The following DGCR6L variants were observed in gnomAD, a reference collection of about 807,000 sequenced individuals.
DGCR6L encodes the protein DiGeorge syndrome critical region gene 6 like.
Under a neutral mutation model 31.1 loss-of-function variants are expected in DGCR6L, and 24 were observed. The observed-to-expected ratio is 0.77, with a 90% CI of 0.56 to 1.08. DGCR6L has a LOEUF of 1.08. Among genes scored for constraint, DGCR6L ranks in the 50% least tolerant of loss-of-function variants. The pLI, the probability that DGCR6L is intolerant of heterozygous loss-of-function variation, is 0.00. For missense variants in DGCR6L, 218 were observed against 287.1 expected (o/e 0.76, Z 1.74); for synonymous variants, 104 against 126.1 (o/e 0.82, Z 1.17).
rs771055159 is a variant in DGCR6L at position 20,316,094 on chromosome 22, G to A, written c.372+25C>T. The A allele has an allele frequency of 1.1e-5, 17 of 1,583,472 alleles. No homozygotes were observed. The East Asian group carries it at 3.9e-4, about 36-fold the overall frequency. On this transcript the variant is annotated intron_variant, in intron 3 of 4. Transcript: ENST00000248879. ...TGGTGCCCACAGGAGAGCTGGGCCG[G>A]CCACCCTGCCTGCGCCCCCAGTACC...
At chr22:20,318,295 T>TA (rs2146018669) in intron 2 of DGCR6L, 1 of 152,486 alleles carries the variant, frequency 6.6e-6, no homozygotes, top group East Asian at 1.9e-4. Context: ...CTTGCACTGC[T>TA]AGGAGAAATT....
At chr22:20,318,648 AG>A (rs940589794) in intron 2 of DGCR6L, 1 of 152,204 alleles carries the variant, frequency 6.6e-6, no homozygotes, top group Admixed American at 6.5e-5. Context: ...TTAATTTCTC[AG>A]GGGGCTACCT....
intron 2 of DGCR6L, among the ~76,000 whole-genome samples, chr22:20,317,806 T>C (rs568660701): frequency 1.3e-5 from 2 of 152,374 alleles, no homozygotes; most frequent in African/African-American, 4.8e-5. Flanking sequence ...TAAGGAATAA[T>C]GAGCCATGCG....
intron 2 of DGCR6L, 54 bp downstream of exon 2, chr22:20,319,584 GC>G (rs2051592941): frequency 6.3e-7 from 1 of 1,590,844 alleles, no homozygotes; most frequent in African/African-American, 1.3e-5. Context: ...ACCAAGAGCT[GC>G]CCGGAGGCGC....
In DGCR6L at chr22:20,314,678, T is replaced by C. The variant is rs1195314027; in HGVS notation, c.660A>G (p.Pro220=). 1 of 1,594,394 alleles carries C rather than the reference T, an allele frequency of 6.3e-7. No homozygotes were observed. Among genetic ancestry groups the C allele is most frequent in the Non-Finnish European group, 8.6e-7 (1 of 1,167,848 alleles). ...CCCAGACTTCTGCTGCCTGTGGCTA[T>C]GGTGGGACAGGGCTGCCTTTCTGGT... ...QCDQKGSPVP[P] is the part of the protein sequence containing the mutation. Residue 220 remains proline (P), a synonymous_variant, in exon 5 of 5, where the codon CCA becomes CCG. Transcript: ENST00000248879.
intron 2 of DGCR6L, among the ~76,000 whole-genome samples, chr22:20,317,842 C>G (rs765348498): frequency 6.6e-6 from 1 of 152,322 alleles, no homozygotes; most frequent in African/African-American, 2.4e-5. Flanking sequence ...CTACATACAT[C>G]TTACAGCTCA....
chr22:20,319,543 A>G (rs2051592537), intron 2 of DGCR6L, 96 bp downstream of exon 2: 2 of 1,500,672 alleles, frequency 1.3e-6, no homozygotes, highest in Non-Finnish European at 1.8e-6. Context: ...TCTTCCGAAC[A>G]CTTCCAAGGA....
At position 20,314,644 on chromosome 22, in the gene DGCR6L, T is replaced by C. The variant is rs1162627051; in HGVS notation, c.*31A>G. 1 of 1,554,032 alleles carries C rather than the reference T, an allele frequency of 6.4e-7. No individual in the cohort carries two copies. The highest frequency in any genetic ancestry group is 1.2e-5 in the South Asian group (1 of 84,384). ...AGGCAGTGGCCAAAGGTCAAGAAGA[T>C]GAACTCTGCCCAGACTTCTGCTGCC... On this transcript the variant is annotated 3_prime_UTR_variant, in exon 5 of 5. Transcript: ENST00000248879.
In DGCR6L at chr22:20,315,428, T is replaced by C. The variant is rs762339267; in HGVS notation, c.421A>G (p.Ile141Val). The change falls in exon 4 of 5, where the codon ATC (isoleucine) becomes GTC (valine). Residue 141 changes from isoleucine (I) to valine (V), a missense_variant. This residue lies in a region of DGCR6L where 58 missense variants were observed against 105.4 expected (regional missense o/e 0.55). Coordinates refer to ENST00000248879, the MANE Select transcript of DGCR6L (RefSeq NM_033257.4). The stretch of plus-strand genomic sequence containing the variant: ...ACCTTCCGGTCCAGCTCCAGGATGA[T>C]CTTCTGGTCCATCGCCCGCTGCTCC... ...REEQRAMDQK[I>V]ILELDRKVAD... 1.3e-5 allele frequency: 21 copies of C among 1,613,792 alleles called. No homozygotes were observed. The highest frequency in any genetic ancestry group is 2.5e-6 in the Non-Finnish European group (3 of 1,180,000).
At chr22:20,318,605 C>T (rs2051586068) in intron 2 of DGCR6L, 1 of 152,128 alleles carries the variant, frequency 6.6e-6, no homozygotes, top group South Asian at 2.1e-4. Context: ...ATGATGTGGC[C>T]GTGCACTGAA....
intron 3 of DGCR6L, among the ~76,000 whole-genome samples, chr22:20,315,840 C>T (rs1222059932): frequency 1.3e-5 from 2 of 152,186 alleles, no homozygotes; most frequent in Non-Finnish European, 2.9e-5. Flanking sequence ...TGCCTTTGTA[C>T]CCCCCTGAGG....
rs1043756240 is a variant in DGCR6L at position 20,316,127 on chromosome 22, C to G, written c.364G>C (p.Glu122Gln). Residue 122 changes from glutamate (E) to glutamine (Q), a missense_variant, in exon 3 of 5, where the codon GAA becomes CAA. Around this residue, in one of 4 missense-constraint regions of DGCR6L, gnomAD observed 78 missense variants for 90.0 expected, o/e 0.87. Coordinates refer to ENST00000248879, the MANE Select transcript of DGCR6L (RefSeq NM_033257.4). ...LPVVQAAQQR[E>Q]LEAVEHRIRE... ...GCCTGCGCCCCCAGTACCTCTAGTTCTCGCTGCTGAGCCGCCTGAACCACA... is the reference window on the plus strand; with the variant it reads ...GCCTGCGCCCCCAGTACCTCTAGTTGTCGCTGCTGAGCCGCCTGAACCACA... The G allele has an allele frequency of 1.2e-6, 2 of 1,610,054 alleles. No homozygotes were observed. The highest frequency in any genetic ancestry group is 1.7e-6 in the Non-Finnish European group (2 of 1,179,086).
rs758170132 is a variant in DGCR6L at position 20,315,373 on chromosome 22, G to T, written c.476C>A (p.Ala159Glu). Residue 159 changes from alanine (A) to glutamate (E), a missense_variant, in exon 4 of 5, where the codon GCG becomes GAG. This residue lies in a region of DGCR6L where 58 missense variants were observed against 105.4 expected (regional missense o/e 0.55). Coordinates refer to ENST00000248879, the MANE Select transcript of DGCR6L (RefSeq NM_033257.4). ...VADQQSTLEKAGVAGFYVTTN... is the reference protein window; with the variant it reads ...VADQQSTLEKEGVAGFYVTTN... ...GGTCACGTAGAAGCCAGCCACCCCC[G>T]CCTTCTCCAGTGTGCTCTGCTGGTC... The T allele has an allele frequency of 6.2e-7, 1 of 1,613,762 alleles. No homozygotes were observed. The highest frequency in any genetic ancestry group is 1.7e-5 in the Admixed American group (1 of 60,004).
rs1392414358 is a variant in DGCR6L, at chr22:20,319,804, G to C, written c.111-5C>G. On this transcript the variant is annotated splice_polypyrimidine_tract_variant and splice_region_variant and intron_variant, in intron 1 of 4. Transcript: ENST00000248879. ...GACAGGCGCTGCTGGAAAGAGCTGCGGGTAGGGGGGCGCGGTGAGCCCCGG... is the reference window on the plus strand; with the variant it reads ...GACAGGCGCTGCTGGAAAGAGCTGCCGGTAGGGGGGCGCGGTGAGCCCCGG... 2 of 1,607,310 alleles carry C rather than the reference G, an allele frequency of 1.2e-6. No homozygotes were observed. The highest frequency in any genetic ancestry group is 3.4e-5 in the Admixed American group (2 of 59,058).
At chr22:20,317,981 AC>A (rs2051582411) in intron 2 of DGCR6L, 1 of 272,544 alleles carries the variant, frequency 3.7e-6, no homozygotes, top group Non-Finnish European at 7.4e-6. Flanking sequence ...GCTGGCAAAA[AC>A]CCTGATACCC....
At chr22:20,316,253 G>A (rs781512759) in intron 2 of DGCR6L, 34 bp from the exon 3 acceptor site, 1 of 1,564,820 alleles carries the variant, frequency 6.4e-7, no homozygotes, top group South Asian at 1.2e-5. Context: ...GCAGGCGGTG[G>A]GACTCGGCAG....
At position 20,314,786 on chromosome 22, in the gene DGCR6L, T is replaced by A. The variant is rs1056808; in HGVS notation, c.552A>T (p.Arg184=). ...CCCGGCAGCCCCTCTGCTGCAGCTT[T>A]CGGATGAGTTCCAGCAGGTTCATCT... The part of the protein sequence containing the change: ...MLQMNLLELI[R]KLQQRGCRAG... The change falls in exon 5 of 5, where the codon CGA becomes CGT. Residue 184 remains arginine (R), a synonymous_variant. Coordinates refer to ENST00000248879, the MANE Select transcript of DGCR6L (RefSeq NM_033257.4). 7 of 1,612,434 alleles carry A rather than the reference T, an allele frequency of 4.3e-6. No homozygotes were observed. The South Asian group carries it at 7.7e-5, about 18-fold the overall frequency.
At chr22:20,316,252 G>A in intron 2 of DGCR6L, 33 bp from the exon 3 acceptor site, 1 of 1,567,424 alleles carries the variant, frequency 6.4e-7, no homozygotes, top group Non-Finnish European at 8.6e-7. Flanking sequence ...AGCAGGCGGT[G>A]GGACTCGGCA....
chr22:20,319,614 A>C, intron 2 of DGCR6L, 25 bp downstream of exon 2: 1 of 1,608,614 alleles, frequency 6.2e-7, no homozygotes, highest in Non-Finnish European at 8.5e-7. Context: ...AGGAGGCGGC[A>C]CCTCATCCCG....
Sources: gnomAD v4.1 joint callset for allele counts (sites outside exome capture counted in the v4.1 genomes callset) on GRCh38, gnomAD v4.1.1 for gene constraint, gnomAD v4.1.1 regional missense constraint, MANE v1.5 for transcripts, NCBI Gene and HGNC (gene_info 2026-07-23, HGNC 2026-07-21) for gene names.